Variants in ATP2B4 observed in about 807,000 individuals in gnomAD.
The protein encoded by ATP2B4 is plasma membrane calcium-transporting ATPase 4.
In ATP2B4, 39 loss-of-function variants were observed where a neutral mutation model predicts 110.3. The ratio of observed to expected loss-of-function variants is 0.35; its 90% CI spans 0.27 to 0.46. The LOEUF is 0.46. ATP2B4 is among the 20% of genes least tolerant of loss of function. The pLI is 1.00. For synonymous variants in ATP2B4, 538 were observed against 571.7 expected, an observed-to-expected ratio of 0.94 and a Z score of 0.84; for missense variants, 1,135 against 1,530.9, an observed-to-expected ratio of 0.74 and a Z score of 4.32.
At chr1:203,647,150 A>G (rs1468385163) in intron 1 of ATP2B4, among the ~76,000 whole-genome samples, 1 of 152,082 alleles carries the variant, frequency 6.6e-6, no homozygotes, top group African/African-American at 2.4e-5. Context: ...GAAATAAAGA[A>G]GCTGATGGGC....
chr1:203,737,751 G>A (rs961513520), intron 20 of ATP2B4, among the ~76,000 whole-genome samples: 4 of 152,176 alleles, frequency 2.6e-5, no homozygotes, highest in African/African-American at 9.6e-5. Context: ...TGGCTGAGGT[G>A]TTGAGCTGAT....
At chr1:203,630,605 C>T (rs1335034398) in intron 1 of ATP2B4, among the ~76,000 whole-genome samples, 1 of 152,088 alleles carries the variant, frequency 6.6e-6, no homozygotes, top group Non-Finnish European at 1.5e-5. Flanking sequence ...AGGGGAACAC[C>T]CCACCCAGAG....
intron 15 of ATP2B4, among the ~76,000 whole-genome samples, chr1:203,719,245 AGCAAGAGAGAT>A (rs1666249880): frequency 1.0e-5 from 1 of 98,794 alleles, no homozygotes; most frequent in African/African-American, 3.5e-5. Flanking sequence ...AAAAAAAAAA[AGCAAGAGAGAT>A]AAAATACATG....
At chr1:203,718,999 AG>A (rs1322973067) in intron 15 of ATP2B4, among the ~76,000 whole-genome samples, 1 of 151,670 alleles carries the variant, frequency 6.6e-6, no homozygotes, top group Non-Finnish European at 1.5e-5. Context: ...CCAAGGGAGA[AG>A]GAGCACTAGA....
chr1:203,631,790 G>C (rs113302655), intron 1 of ATP2B4, among the ~76,000 whole-genome samples: 2,165 of 152,192 alleles, frequency 0.014, 58 homozygotes, highest in African/African-American at 0.05. Context: ...GGTGATTTTT[G>C]TTTGTTTGTT....
intron 1 of ATP2B4, among the ~76,000 whole-genome samples, chr1:203,663,209 G>A (rs952188753): frequency 1.3e-5 from 2 of 152,170 alleles, no homozygotes; most frequent in Non-Finnish European, 2.9e-5. Flanking sequence ...TGGATGTGCT[G>A]TACTATAATC....
At chr1:203,717,710 C>G (rs993461871) in intron 15 of ATP2B4, among the ~76,000 whole-genome samples, 1 of 151,206 alleles carries the variant, frequency 6.6e-6, no homozygotes. Flanking sequence ...GGGGCAGTCT[C>G]GGCTCACTGC....
In ATP2B4 at chr1:203,700,998, G is replaced by C. The variant is rs1345690673; in HGVS notation, c.901+75G>C. The C allele has an allele frequency of 1.5e-5, 22 of 1,514,902 alleles. No homozygotes were observed. In the South Asian group the frequency reaches 2.6e-4, roughly 18 times the overall value. The allele number at this position is 1,514,902 out of a possible 1,614,324, so 93.8% of individuals were successfully genotyped here. A position where few individuals can be genotyped will look rare whatever the true frequency, so the allele number is the denominator to read the frequency against. On this transcript the variant is annotated intron_variant, in intron 6 of 20. Transcript: ENST00000357681. The stretch of plus-strand genomic sequence containing the variant: ...AACAAGGAAGCGAGGGAGCAGATCT[G>C]GATAGAAAGCATGGTTGGAAGAATC...
At position 203,742,269 on chromosome 1, in the gene ATP2B4, T is replaced by C. The variant is rs552786705; in HGVS notation, c.*2415T>C. The C allele has an allele frequency of 6.5e-6, 1 of 152,792 alleles. No individual in the cohort carries two copies. The highest frequency in any genetic ancestry group is 6.5e-5 in the Admixed American group (1 of 15,306). The allele number at this position is 152,792 out of a possible 1,614,324, so 9.5% of individuals were successfully genotyped here. A position where few individuals can be genotyped will look rare whatever the true frequency, so the allele number is the denominator to read the frequency against. ...TATTTGTAATTGGTTTTAAAACCAA[T>C]ACACCATACTTTCTTTCTGCAAACA... is the stretch of plus-strand genomic sequence containing the variant. On this transcript the variant is annotated 3_prime_UTR_variant, in exon 21 of 21. Coordinates refer to ENST00000357681, the MANE Select transcript of ATP2B4 (RefSeq NM_001684.5).
intron 2 of ATP2B4, among the ~76,000 whole-genome samples, chr1:203,690,387 C>G (rs1171999662): frequency 6.6e-6 from 1 of 152,308 alleles, no homozygotes; most frequent in East Asian, 1.9e-4. Flanking sequence ...ATTAATACAT[C>G]TAACACTTTT....
chr1:203,733,338 TTGCACCA>T, intron 20 of ATP2B4: 1 of 1,614,180 alleles, frequency 6.2e-7, no homozygotes, highest in Non-Finnish European at 8.5e-7. Flanking sequence ...TATGTAGCAG[TTGCACCA>T]GTCAAATCTT....
intron 1 of ATP2B4, among the ~76,000 whole-genome samples, chr1:203,679,427 T>C (rs1031427360): frequency 5.9e-5 from 9 of 152,220 alleles, no homozygotes; most frequent in African/African-American, 2.2e-4. Context: ...CTTGACCTAC[T>C]CTGTGTTTCT....
intron 20 of ATP2B4, among the ~76,000 whole-genome samples, chr1:203,730,426 A>T (rs939219047): frequency 6.6e-6 from 1 of 151,816 alleles, no homozygotes; most frequent in Admixed American, 6.6e-5. Context: ...CAGGCTGCTG[A>T]CTCCAAGTAC....
chr1:203,738,345 A>G (rs1396278566), intron 20 of ATP2B4, among the ~76,000 whole-genome samples: 2 of 152,164 alleles, frequency 1.3e-5, no homozygotes, highest in African/African-American at 4.8e-5. Context: ...CCTGCAGTTC[A>G]GAAAAGCAGA....
At chr1:203,728,995 G>A (rs1666609524) in intron 20 of ATP2B4, among the ~76,000 whole-genome samples, 1 of 151,966 alleles carries the variant, frequency 6.6e-6, no homozygotes, top group Admixed American at 6.6e-5. Flanking sequence ...GCACATGCCT[G>A]TAGTCCCAGC....
intron 7 of ATP2B4, among the ~76,000 whole-genome samples, chr1:203,702,324 T>G (rs1158498669): frequency 6.6e-6 from 1 of 152,134 alleles, no homozygotes; most frequent in Non-Finnish European, 1.5e-5. Context: ...AGGTTTGTCT[T>G]GGGGAGTGTG....
At chr1:203,734,678 C>G (rs1666830858) in intron 20 of ATP2B4, among the ~76,000 whole-genome samples, 1 of 144,498 alleles carries the variant, frequency 6.9e-6, no homozygotes. Context: ...TGCACTCCAA[C>G]CTGGGCTACA....
intron 19 of ATP2B4, among the ~76,000 whole-genome samples, chr1:203,725,908 T>C (rs1388076153): frequency 3.7e-5 from 5 of 134,248 alleles, no homozygotes; most frequent in Non-Finnish European, 8.2e-5. Flanking sequence ...TCTTTTCTTT[T>C]TTTTTTTTTT....
intron 2 of ATP2B4, among the ~76,000 whole-genome samples, chr1:203,688,645 A>G (rs894136132): frequency 6.6e-6 from 1 of 152,180 alleles, no homozygotes; most frequent in South Asian, 2.1e-4. Flanking sequence ...TTGAGTATAC[A>G]TTAGCTAGTT....
Sources: allele counts gnomAD v4.1 joint callset (sites outside exome capture counted in the v4.1 genomes callset), GRCh38; gene constraint gnomAD v4.1.1; transcripts MANE v1.5; gene names NCBI Gene and HGNC (gene_info 2026-07-23, HGNC 2026-07-21).